The following AVEN variants were observed in gnomAD, a reference collection of about 807,000 sequenced individuals.
AVEN encodes the protein cell death regulator Aven.
Under a neutral mutation model 38.1 loss-of-function variants are expected in AVEN, and 41 were observed. The ratio of observed to expected loss-of-function variants is 1.08; its 90% CI spans 0.84 to 1.40. The LOEUF (loss-of-function observed/expected upper bound fraction) is 1.40. AVEN is among the 40% of genes most tolerant of loss of function. AVEN has a pLI of 0.00. For synonymous variants in AVEN, 206 were observed against 171.8 expected, an observed-to-expected ratio of 1.20 and a Z score of -1.56; for missense variants, 605 against 438.8, an observed-to-expected ratio of 1.38 and a Z score of -3.38.
chr15:33,981,301 A>G (rs926199810), intron 2 of AVEN, among the ~76,000 whole-genome samples: 5 of 152,224 alleles, frequency 3.3e-5, no homozygotes, highest in Admixed American at 2.6e-4. Flanking sequence ...TTAGCAGTCA[A>G]GAAAAACTCA....
At chr15:33,893,585 T>C (rs1387658104) in intron 2 of AVEN, among the ~76,000 whole-genome samples, 2 of 152,206 alleles carry the variant, frequency 1.3e-5, no homozygotes, top group African/African-American at 2.4e-5. Flanking sequence ...AATATTCTGT[T>C]TTTAAACTAT....
intron 2 of AVEN, among the ~76,000 whole-genome samples, chr15:33,975,296 A>G (rs1895837607): frequency 6.6e-6 from 1 of 152,152 alleles, no homozygotes; most frequent in Non-Finnish European, 1.5e-5. Context: ...ACTGCCAAAT[A>G]CTCTAACCTA....
At chr15:33,854,253 C>T, downstream of AVEN, 2 of 669,784 alleles carry the variant, frequency 3.0e-6, no homozygotes, top group South Asian at 1.8e-5. Context: ...TCATGGGGAG[C>T]ACATACAACT....
chr15:33,862,618 T>G (rs1195954037), downstream of AVEN, among the ~76,000 whole-genome samples: 2 of 152,150 alleles, frequency 1.3e-5, no homozygotes, highest in Non-Finnish European at 1.5e-5. Context: ...AACATGAGTT[T>G]TGTTTTTTTA....
At chr15:34,070,296 G>C in intron 2 of AVEN, among the ~76,000 whole-genome samples, 1 of 151,948 alleles carries the variant, frequency 6.6e-6, no homozygotes, top group East Asian at 1.9e-4. Flanking sequence ...GATGAGATTT[G>C]GATGGGAACA....
rs1432744571 is a variant in AVEN, at chr15:34,003,014, T to C, written c.445+18A>G. ...CTTTCAGAGCACTAAACAGTATGCATGCAACTGGAATTCATACCTGCAGAG... is the reference window on the plus strand; with the variant it reads ...CTTTCAGAGCACTAAACAGTATGCACGCAACTGGAATTCATACCTGCAGAG... On this transcript the variant is annotated intron_variant, in intron 2 of 5. Transcript: ENST00000306730. 9 of 1,602,232 alleles carry C rather than the reference T, an allele frequency of 5.6e-6. No homozygotes were observed. Among genetic ancestry groups the C allele is most frequent in the African/African-American group, 1.3e-5 (1 of 74,206 alleles).
intron 1 of AVEN, among the ~76,000 whole-genome samples, chr15:34,034,806 C>G (rs754700721): frequency 1.2e-4 from 19 of 152,158 alleles, no homozygotes; most frequent in Non-Finnish European, 2.8e-4. Context: ...CATGGATTAC[C>G]AAGAACTAAT....
At chr15:34,011,393 G>A (rs1240839604) in intron 1 of AVEN, among the ~76,000 whole-genome samples, 7 of 152,056 alleles carry the variant, frequency 4.6e-5, no homozygotes, top group African/African-American at 1.7e-4. Flanking sequence ...AGATATGCAT[G>A]ATCATATTTG....
chr15:34,007,807 G>C (rs1041724646), intron 1 of AVEN, among the ~76,000 whole-genome samples: 2 of 152,188 alleles, frequency 1.3e-5, no homozygotes, highest in African/African-American at 4.8e-5. Context: ...GCTCTTTCTG[G>C]AAGTTCTGAG....
intron 1 of AVEN, among the ~76,000 whole-genome samples, chr15:34,013,658 A>C (rs1164635423): frequency 1.3e-5 from 2 of 152,218 alleles, no homozygotes; most frequent in African/African-American, 4.8e-5. Context: ...AACACGGAGA[A>C]GTAAACATAT....
At chr15:33,862,998 T>C (rs1446173709), downstream of AVEN, among the ~76,000 whole-genome samples, 3 of 152,224 alleles carry the variant, frequency 2.0e-5, no homozygotes, top group African/African-American at 4.8e-5. Context: ...TAAGAGAATA[T>C]ACATCTTAAT....
At chr15:34,045,774 A>G (rs945898992) in intron 5 of AVEN, among the ~76,000 whole-genome samples, 1 of 151,906 alleles carries the variant, frequency 6.6e-6, no homozygotes, top group African/African-American at 2.4e-5. Context: ...TGGCAAGTCC[A>G]CTCGACAAGA....
rs1890698754 is a variant in AVEN at position 33,867,666 on chromosome 15, A to T, written c.802T>A (p.Ser268Thr). ...DNPSPGPSRD[S>T]QKPTSPLQSA... ...TGCAGTGGGGAAGTGGGTTTCTGAG[A>T]ATCCCTTGAAGGACCCGGGCTTGGG... is the stretch of plus-strand genomic sequence containing the variant. The change falls in exon 5 of 6, where the codon TCT (serine) becomes ACT (threonine). Residue 268 changes from serine (S) to threonine (T), a missense_variant. Ser to Thr is a moderately conservative substitution (Grantham distance 58). Coordinates refer to ENST00000306730, the MANE Select transcript of AVEN (RefSeq NM_020371.3). 6.2e-7 allele frequency: 1 copy of T among 1,614,190 alleles called. No homozygotes were observed. The highest frequency in any genetic ancestry group is 2.2e-5 in the East Asian group (1 of 44,874).
downstream of AVEN, chr15:33,854,727 G>A: frequency 6.3e-7 from 1 of 1,576,356 alleles, no homozygotes; most frequent in Non-Finnish European, 8.6e-7. Flanking sequence ...CACACTATGA[G>A]GCAAACATGC....
chr15:34,034,890 A>G (rs527937969), intron 1 of AVEN, among the ~76,000 whole-genome samples: 19 of 152,328 alleles, frequency 1.2e-4, no homozygotes, highest in Non-Finnish European at 2.6e-4. Context: ...CTTTCTGGAA[A>G]AAAAGGAAAA....
intron 2 of AVEN, among the ~76,000 whole-genome samples, chr15:33,980,787 C>T (rs1896103722): frequency 6.6e-6 from 1 of 152,084 alleles, no homozygotes; most frequent in South Asian, 2.1e-4. Flanking sequence ...TTCCCAAATC[C>T]CATGTGTACC....
At chr15:33,952,858 G>GAA (rs60788032) in intron 2 of AVEN, among the ~76,000 whole-genome samples, 924 of 91,666 alleles carry the variant, frequency 0.01, 7 homozygotes, top group African/African-American at 0.033. Context: ...AGGCTAAAGA[G>GAA]AAAAAAAAAA....
At chr15:33,924,510 C>T (rs1434402815) in intron 2 of AVEN, among the ~76,000 whole-genome samples, 1 of 152,092 alleles carries the variant, frequency 6.6e-6, no homozygotes, top group Non-Finnish European at 1.5e-5. Context: ...TTTGTAGAGA[C>T]AGGGTTTTGC....
intron 1 of AVEN, among the ~76,000 whole-genome samples, chr15:34,036,153 T>C (rs529242067): frequency 6.6e-6 from 1 of 152,090 alleles, no homozygotes; most frequent in Admixed American, 6.5e-5. Context: ...ATGCTTCTAG[T>C]GAGTATTCCG....
Sources: gnomAD v4.1 joint callset for allele counts (sites outside exome capture counted in the v4.1 genomes callset) on GRCh38, gnomAD v4.1.1 for gene constraint, MANE v1.5 for transcripts, NCBI Gene and HGNC (gene_info 2026-07-23, HGNC 2026-07-21) for gene names.